The following RANBP2 variants were observed in gnomAD, a reference collection of about 807,000 sequenced individuals.
RANBP2 encodes E3 SUMO-protein ligase RanBP2.
Under a neutral mutation model 303.6 loss-of-function variants are expected in RANBP2, and 57 were observed. The observed-to-expected ratio is 0.19, with a 90% CI of 0.15 to 0.23. RANBP2 has a LOEUF of 0.23. RANBP2 is among the 10% of genes least tolerant of loss of function. The pLI is 1.00. For synonymous variants in RANBP2, 1,167 were observed against 1,301.5 expected (o/e 0.90, Z 2.23); for missense variants, 3,138 against 3,780.8 (o/e 0.83, Z 4.46).
At chr2:109,155,678 A>G in the RANBP2 span, among the ~76,000 whole-genome samples, 1 of 152,120 alleles carries the variant, frequency 6.6e-6, no homozygotes, top group African/African-American at 2.4e-5. Context: ...CTCCATCTTG[A>G]ATTGTAACAC....
chr2:108,724,154 GTT>G (rs1010915458), intron 1 of RANBP2, among the ~76,000 whole-genome samples: 1 of 152,060 alleles, frequency 6.6e-6, no homozygotes, highest in African/African-American at 2.4e-5. Flanking sequence ...TAGATGAGAG[GTT>G]TTTTTGTTTG....
At chr2:109,272,503 T>G in the RANBP2 span, among the ~76,000 whole-genome samples, 3,050 of 152,302 alleles carry the variant, frequency 0.02, 93 homozygotes, top group African/African-American at 0.07. Context: ...CCTCTAACTG[T>G]GTGCTGCACT....
chr2:109,659,373 C>G, the RANBP2 span, among the ~76,000 whole-genome samples: 19 of 152,244 alleles, frequency 1.2e-4, no homozygotes, highest in East Asian at 9.7e-4. Context: ...TTCATCCCCC[C>G]CAAAAACACA....
At chr2:109,607,951 T>G in the RANBP2 span, among the ~76,000 whole-genome samples, 1 of 152,162 alleles carries the variant, frequency 6.6e-6, no homozygotes, top group Non-Finnish European at 1.5e-5. Flanking sequence ...GAAAAAAAAC[T>G]GAAGATTATG....
At chr2:109,585,540 A>G in the RANBP2 span, among the ~76,000 whole-genome samples, 28 of 152,350 alleles carry the variant, frequency 1.8e-4, no homozygotes, top group African/African-American at 5.8e-4. Context: ...AGATGTTTAT[A>G]TAACAAGCCA....
the RANBP2 span, among the ~76,000 whole-genome samples, chr2:109,483,253 A>G: frequency 6.6e-6 from 1 of 152,232 alleles, no homozygotes; most frequent in African/African-American, 2.4e-5. Context: ...TTCCAAGTAT[A>G]ACTTGCAACC....
the RANBP2 span, among the ~76,000 whole-genome samples, chr2:108,821,905 G>A: frequency 1.4e-5 from 2 of 139,354 alleles, no homozygotes; most frequent in Non-Finnish European, 1.5e-5. Flanking sequence ...TCCAGCATGG[G>A]CAACAAGAGC....
the RANBP2 span, among the ~76,000 whole-genome samples, chr2:108,934,094 A>G: frequency 6.6e-6 from 1 of 152,218 alleles, no homozygotes; most frequent in East Asian, 1.9e-4. Flanking sequence ...GTCAACCAGG[A>G]GCACTTATCG....
chr2:108,940,328 TGAAGGG>T, the RANBP2 span: 2 of 152,376 alleles, frequency 1.3e-5, no homozygotes, highest in African/African-American at 4.8e-5. Flanking sequence ...TCGGATGGTC[TGAAGGG>T]GAAGGTGCAG....
the RANBP2 span, chr2:109,129,715 G>T: frequency 2.0e-6 from 3 of 1,537,184 alleles, no homozygotes; most frequent in East Asian, 4.9e-5. Flanking sequence ...GGAGTGCTCC[G>T]TGTGTCTGGA....
the RANBP2 span, among the ~76,000 whole-genome samples, chr2:109,489,673 A>G: frequency 7.0e-6 from 1 of 143,836 alleles, no homozygotes; most frequent in South Asian, 2.1e-4. Flanking sequence ...CTCGGGGCCT[A>G]TTTTGGACAT....
the RANBP2 span, among the ~76,000 whole-genome samples, chr2:109,457,408 A>G: frequency 2.0e-5 from 3 of 152,238 alleles, no homozygotes; most frequent in Non-Finnish European, 2.9e-5. Flanking sequence ...ACCAAAATGC[A>G]TTTTTAAAAT....
At chr2:109,508,563 TG>T in the RANBP2 span, among the ~76,000 whole-genome samples, 1 of 151,764 alleles carries the variant, frequency 6.6e-6, no homozygotes, top group African/African-American at 2.4e-5. Flanking sequence ...TCAACAGACG[TG>T]GACATCATTA....
chr2:109,122,837 C>T, the RANBP2 span, among the ~76,000 whole-genome samples: 1 of 152,196 alleles, frequency 6.6e-6, no homozygotes, highest in Non-Finnish European at 1.5e-5. Context: ...TGCCACTGCG[C>T]TCCAAACTGG....
chr2:109,566,310 G>A, the RANBP2 span, among the ~76,000 whole-genome samples: 1 of 151,818 alleles, frequency 6.6e-6, no homozygotes, highest in African/African-American at 2.4e-5. Context: ...TAGTAGAGAC[G>A]GCGTTTCACC....
chr2:109,541,722 C>T, the RANBP2 span, among the ~76,000 whole-genome samples: 3 of 152,232 alleles, frequency 2.0e-5, no homozygotes, highest in South Asian at 4.1e-4. Flanking sequence ...TTCTTTCATA[C>T]TCTGGATAAA....
chr2:108,748,902 C>G lies in RANBP2; in HGVS notation c.1064-18C>G. 2 of 1,610,638 alleles carry G rather than the reference C, an allele frequency of 1.2e-6. No individual in the cohort carries two copies. The highest frequency in any genetic ancestry group is 1.1e-5 in the South Asian group (1 of 90,988). ...TGTAATTTTAAAGTGATGGAAATAA[C>G]TTAAATTTTTTTTTCAGGGCACATG... On this transcript the variant is annotated intron_variant, in intron 8 of 28. Transcript: ENST00000283195.
At chr2:108,953,445 G>A in the RANBP2 span, among the ~76,000 whole-genome samples, 4 of 151,988 alleles carry the variant, frequency 2.6e-5, no homozygotes, top group African/African-American at 9.7e-5. Context: ...CATCCTCTCT[G>A]CTTGGCCTCA....
the RANBP2 span, among the ~76,000 whole-genome samples, chr2:109,398,010 G>A: frequency 6.6e-6 from 1 of 152,248 alleles, no homozygotes; most frequent in East Asian, 1.9e-4. Context: ...GCTCAGGCCA[G>A]CTTCTGGGGC....
Sources: allele counts gnomAD v4.1 joint callset (sites outside exome capture counted in the v4.1 genomes callset), GRCh38; gene constraint gnomAD v4.1.1; transcripts MANE v1.5; gene names NCBI Gene and HGNC (gene_info 2026-07-23, HGNC 2026-07-21).